TMEM233: variants seen among roughly 807,000 people sequenced by gnomAD.
TMEM233 encodes transmembrane protein 233.
Under a neutral mutation model 11.2 loss-of-function variants are expected in TMEM233, and 6 were observed. That is an observed-to-expected ratio of 0.54 (90% CI 0.29 to 1.06). TMEM233 has a LOEUF of 1.06. Among genes scored for constraint, TMEM233 ranks in the 50% least tolerant of loss-of-function variants. TMEM233 has a pLI of 0.08. For synonymous variants in TMEM233, 59 were observed against 55.8 expected (o/e 1.06, Z -0.26); for missense variants, 127 against 144.7 (o/e 0.88, Z 0.63).
At position 119,594,158 on chromosome 12, in the gene TMEM233, T is replaced by G. The variant is rs1197971034; in HGVS notation, c.186+124T>G. 9 of 976,244 alleles carry G rather than the reference T, an allele frequency of 9.2e-6. No homozygotes were observed. The East Asian group carries it at 2.4e-4, about 26-fold the overall frequency. The allele number at this position is 976,244 out of a possible 1,614,324, so 60.5% of individuals were successfully genotyped here. A position where few individuals can be genotyped will look rare whatever the true frequency, so the allele number is the denominator to read the frequency against. On this transcript the variant is annotated intron_variant, in intron 1 of 2. Coordinates refer to ENST00000426426, the MANE Select transcript of TMEM233 (RefSeq NM_001136534.3). This position sits in a 1 kb window ranked among gnomAD's most constrained non-coding sequence, Gnocchi z 5.6. ...ACGGCCCGGCCCGCGCTAGGTGTTCTTTGTCCTCGCACCTCCTCCTCACCT... is the reference window on the plus strand; with the variant it reads ...ACGGCCCGGCCCGCGCTAGGTGTTCGTTGTCCTCGCACCTCCTCCTCACCT...
At chr12:119,612,267 ACAGGCGTGAGC>A (rs1954415024) in intron 1 of TMEM233, among the ~76,000 whole-genome samples, 2 of 150,562 alleles carry the variant, frequency 1.3e-5, no homozygotes, top group African/African-American at 4.9e-5. Context: ...TGCTGGGATT[ACAGGCGTGAGC>A]CACTGCGCCC....
Position 119,593,809 on chromosome 12 carries a change from C to A in TMEM233, c.-40C>A, listed in dbSNP as rs778871814. On this transcript the variant is annotated 5_prime_UTR_variant, in exon 1 of 3. Coordinates refer to ENST00000426426, the MANE Select transcript of TMEM233 (RefSeq NM_001136534.3). This position sits in a 1 kb window ranked among gnomAD's most constrained non-coding sequence, Gnocchi z 4.1. Reference sequence around the variant, plus strand: ...GGCCAGAGCCCCAGACCACACAGACCGTGCGCTCCTCCGCCCTCCCGGCGC... The same window carrying A: ...GGCCAGAGCCCCAGACCACACAGACAGTGCGCTCCTCCGCCCTCCCGGCGC... 1.5e-5 allele frequency: 23 copies of A among 1,542,246 alleles called. No individual in the cohort carries two copies. In the Admixed American group the frequency reaches 1.8e-4, roughly 12 times the overall value.
intron 1 of TMEM233, among the ~76,000 whole-genome samples, chr12:119,599,511 G>A (rs1954116353): frequency 6.6e-6 from 1 of 152,188 alleles, no homozygotes; most frequent in Non-Finnish European, 1.5e-5. Flanking sequence ...GAAGAAATGA[G>A]ATGGTGACAA....
chr12:119,621,897 A>C (rs1194570681), intron 1 of TMEM233, among the ~76,000 whole-genome samples: 1 of 152,238 alleles, frequency 6.6e-6, no homozygotes, highest in African/African-American at 2.4e-5. Context: ...AACAGATGCA[A>C]AGTTGCCAAG....
chr12:119,637,640 C>T (rs1954993132), intron 2 of TMEM233, among the ~76,000 whole-genome samples: 1 of 152,008 alleles, frequency 6.6e-6, no homozygotes, highest in African/African-American at 2.4e-5. Context: ...TTTGTGATTC[C>T]ATAATGAAAA....
At chr12:119,635,554 AC>A (rs1954956167) in intron 2 of TMEM233, among the ~76,000 whole-genome samples, 1 of 152,134 alleles carries the variant, frequency 6.6e-6, no homozygotes, top group Non-Finnish European at 1.5e-5. Context: ...TTTCCCCCAC[AC>A]ACCAAGCAAT....
chr12:119,623,077 C>T (rs1954676441), intron 1 of TMEM233, among the ~76,000 whole-genome samples: 1 of 152,076 alleles, frequency 6.6e-6, no homozygotes, highest in East Asian at 1.9e-4. Flanking sequence ...TCAAACAACT[C>T]AAATGGCCAG....
At chr12:119,652,776 A>G in the TMEM233 span, among the ~76,000 whole-genome samples, 1 of 152,252 alleles carries the variant, frequency 6.6e-6, no homozygotes. Flanking sequence ...GGAGAATGCA[A>G]AGAACTGCAT....
chr12:119,608,282 GAC>G (rs1433592116), intron 1 of TMEM233, among the ~76,000 whole-genome samples: 1 of 152,160 alleles, frequency 6.6e-6, no homozygotes, highest in African/African-American at 2.4e-5. Flanking sequence ...GTTTTTGAAA[GAC>G]ATGTGGCCCA....
intron 2 of TMEM233, among the ~76,000 whole-genome samples, chr12:119,630,922 G>T (rs1020642391): frequency 2.0e-5 from 3 of 152,206 alleles, no homozygotes; most frequent in African/African-American, 7.2e-5. Flanking sequence ...TATTGACAAG[G>T]AGCTCTCATC....
chr12:119,624,079 G>T (rs1241892722), intron 1 of TMEM233, among the ~76,000 whole-genome samples: 1 of 152,040 alleles, frequency 6.6e-6, no homozygotes, highest in African/African-American at 2.4e-5. Flanking sequence ...GCTGGGTAAG[G>T]TGGCTCATGC....
rs79619761 is a variant in TMEM233 at position 119,594,601 on chromosome 12, G to A, written c.186+567G>A. The A allele has an allele frequency of 1.8e-4, 27 of 153,822 alleles. No individual in the cohort carries two copies. In the East Asian group the frequency reaches 4.8e-3, roughly 27 times the overall value. The allele number at this position is 153,822 out of a possible 1,614,324, so 9.5% of individuals were successfully genotyped here. On this transcript the variant is annotated intron_variant, in intron 1 of 2. Coordinates refer to ENST00000426426, the MANE Select transcript of TMEM233 (RefSeq NM_001136534.3). The surrounding 1 kb of genome is among the most constrained non-coding windows in gnomAD (Gnocchi z 5.6). ...GCCACTCTCCGGGGGGTCCCCAGGC[G>A]ATTCCTGATGCCCCCTCCTTGATCC...
intron 1 of TMEM233, among the ~76,000 whole-genome samples, chr12:119,604,842 C>A (rs1328501772): frequency 1.3e-5 from 2 of 152,050 alleles, no homozygotes; most frequent in African/African-American, 4.8e-5. Flanking sequence ...CTGTGTTGCC[C>A]AAGCTCGTCT....
At chr12:119,624,685 G>C (rs1390900698) in intron 1 of TMEM233, among the ~76,000 whole-genome samples, 1 of 152,178 alleles carries the variant, frequency 6.6e-6, no homozygotes, top group Middle Eastern at 3.2e-3. Context: ...GCTGGGGAGA[G>C]GATGAATGGG....
intron 1 of TMEM233, among the ~76,000 whole-genome samples, chr12:119,627,597 G>C (rs1416187619): frequency 1.3e-5 from 2 of 152,166 alleles, no homozygotes; most frequent in African/African-American, 4.8e-5. Context: ...TGAACTAACA[G>C]AGTGAGAACT....
At chr12:119,620,869 G>A (rs376079576) in intron 1 of TMEM233, among the ~76,000 whole-genome samples, 3 of 152,044 alleles carry the variant, frequency 2.0e-5, no homozygotes, top group Admixed American at 2.0e-4. Context: ...GTATGATACT[G>A]TTTGTATTTT....
downstream of TMEM233, among the ~76,000 whole-genome samples, chr12:119,645,144 TG>T (rs1371661005): frequency 6.6e-6 from 1 of 152,090 alleles, no homozygotes; most frequent in Non-Finnish European, 1.5e-5. Context: ...CCACAAGTTA[TG>T]GGCAGAAACA....
At chr12:119,645,773 A>C (rs1389217489), downstream of TMEM233, among the ~76,000 whole-genome samples, 2 of 152,192 alleles carry the variant, frequency 1.3e-5, no homozygotes, top group East Asian at 3.9e-4. Context: ...AGAATTTCCC[A>C]GTTTGCACCC....
chr12:119,594,244 A>T lies in TMEM233; in HGVS notation c.186+210A>T, dbSNP rs920193470. ...GCACCTCCTCTGCACTCCTCGTGGTACTCAGAGCCCTGATCAAGCTTCCCC... is the reference window on the plus strand; with the variant it reads ...GCACCTCCTCTGCACTCCTCGTGGTTCTCAGAGCCCTGATCAAGCTTCCCC... On this transcript the variant is annotated intron_variant, in intron 1 of 2. Transcript: ENST00000426426. This position sits in a 1 kb window ranked among gnomAD's most constrained non-coding sequence, Gnocchi z 5.6. The T allele has an allele frequency of 1.8e-6, 1 of 570,064 alleles. No individual in the cohort carries two copies. Among genetic ancestry groups the T allele is most frequent in the African/African-American group, 1.9e-5 (1 of 52,784 alleles). 35.3% of individuals were successfully genotyped at this position (570,064 alleles called of 1,614,324 possible).
Sources: gnomAD v4.1 joint callset for allele counts (sites outside exome capture counted in the v4.1 genomes callset) on GRCh38, gnomAD v4.1.1 for gene constraint, Gnocchi (gnomAD v3.1) non-coding constraint, MANE v1.5 for transcripts, NCBI Gene and HGNC (gene_info 2026-07-23, HGNC 2026-07-21) for gene names.